COL4A3: variants seen among roughly 807,000 people sequenced by gnomAD.
COL4A3 encodes the protein collagen type IV alpha 3 chain, also known as collagen alpha-3(IV) chain.
A neutral mutation model predicts 217.4 loss-of-function variants in COL4A3; 135 were observed. The observed-to-expected ratio is 0.62, with a 90% CI of 0.54 to 0.72. COL4A3 has a LOEUF of 0.72. Ranked by LOEUF, COL4A3 falls within the 30% of genes least tolerant of loss-of-function variation. COL4A3 has a pLI of 0.00. For synonymous variants in COL4A3, 690 were observed against 736.3 expected (o/e 0.94, Z 1.02); for missense variants, 1,868 against 2,119.9 (o/e 0.88, Z 2.33).
At chr2:227,196,510 G>A (rs185057464) in intron 1 of COL4A3, among the ~76,000 whole-genome samples, 1 of 152,008 alleles carries the variant, frequency 6.6e-6, no homozygotes, top group African/African-American at 2.4e-5. Context: ...GTAGAGACAG[G>A]GTTTCACCGT....
At position 227,246,073 on chromosome 2, in the gene COL4A3, A is replaced by C. The variant is rs944334380; in HGVS notation, c.387+57A>C. 9.7e-5 allele frequency: 132 copies of C among 1,367,764 alleles called. 1 individual carries two copies. The highest frequency in any genetic ancestry group is 1.3e-4 in the Non-Finnish European group (122 of 957,984). 84.7% of individuals were successfully genotyped at this position (1,367,764 alleles called of 1,614,324 possible). ...AAATGCTTTGCTGAATGATTAAATCAAGGTGAAATGGCAATGAAAGGCAGA... is the reference window on the plus strand; with the variant it reads ...AAATGCTTTGCTGAATGATTAAATCCAGGTGAAATGGCAATGAAAGGCAGA... On this transcript the variant is annotated intron_variant, in intron 6 of 51. Transcript: ENST00000396578.
intron 1 of COL4A3, among the ~76,000 whole-genome samples, chr2:227,214,598 C>A (rs2067456763): frequency 6.6e-6 from 1 of 152,302 alleles, no homozygotes; most frequent in South Asian, 2.1e-4. Flanking sequence ...TAGGCCAGAG[C>A]CTATTAAAAC....
intron 24 of COL4A3, among the ~76,000 whole-genome samples, 190 bp from the exon 25 acceptor site, chr2:227,270,580 T>C (rs906669689): frequency 3.3e-5 from 5 of 152,216 alleles, no homozygotes; most frequent in African/African-American, 1.2e-4. Flanking sequence ...CTAACTGAAT[T>C]ATTTTTCAGT....
At chr2:227,245,683 C>T (rs1486555958) in intron 5 of COL4A3, 1 of 509,442 alleles carries the variant, frequency 2.0e-6, no homozygotes, top group Non-Finnish European at 3.6e-6. Flanking sequence ...CAGCTTAAAA[C>T]AGCATGTTAA....
chr2:227,291,982 C>T (rs1438066363), intron 37 of COL4A3, among the ~76,000 whole-genome samples: 4 of 152,214 alleles, frequency 2.6e-5, no homozygotes, highest in Admixed American at 6.5e-5. Flanking sequence ...ACGTGGGATT[C>T]CATGGACCAC....
chr2:227,238,870 T>C (rs2068851633), intron 2 of COL4A3, among the ~76,000 whole-genome samples: 1 of 152,188 alleles, frequency 6.6e-6, no homozygotes, highest in African/African-American at 2.4e-5. Context: ...AAGCACTTTC[T>C]CTGTGATTCT....
chr2:227,293,247 C>A lies in COL4A3; in HGVS notation c.3267C>A (p.Gly1089=). The A allele has an allele frequency of 4.3e-6, 7 of 1,613,828 alleles. No individual in the cohort carries two copies. The highest frequency in any genetic ancestry group is 5.9e-6 in the Non-Finnish European group (7 of 1,180,016). The part of the protein sequence containing the change: ...MGKKGEMGQP[G]PPGHLGPAGP... Reference sequence around the variant, plus strand: ...AGAAAGGAGAAATGGGGCAACCTGGCCCACCTGGACATTTGGGGCCTGCTG... The same window carrying A: ...AGAAAGGAGAAATGGGGCAACCTGGACCACCTGGACATTTGGGGCCTGCTG... Residue 1089 remains glycine, a synonymous_variant, in exon 38 of 52, where the codon GGC becomes GGA. Transcript: ENST00000396578.
intron 1 of COL4A3, chr2:227,169,103 A>G (rs1036525942): frequency 7.4e-6 from 1 of 134,848 alleles, no homozygotes; most frequent in Non-Finnish European, 1.5e-5. Flanking sequence ...ATGTGTTCTC[A>G]TTGTTCAGTT....
chr2:227,307,960 T>C (rs1180346791), intron 48 of COL4A3, 41 bp downstream of exon 48: 7 of 1,563,788 alleles, frequency 4.5e-6, no homozygotes, highest in Non-Finnish European at 6.2e-6. Context: ...CTGTTCCACA[T>C]GCAGATTGTA....
In COL4A3 at chr2:227,283,924, A is replaced by G. The variant is rs938716490; in HGVS notation, c.2746+68A>G. The stretch of plus-strand genomic sequence containing the variant: ...AATGTTCATTTATTTTGCAGCAAAA[A>G]AAGTTATGTTTCATTGGAGGGAAAA... On this transcript the variant is annotated intron_variant, in intron 33 of 51. Coordinates refer to ENST00000396578, the MANE Select transcript of COL4A3 (RefSeq NM_000091.5). 2.1e-6 allele frequency: 3 copies of G among 1,406,530 alleles called. No homozygotes were observed. The African/African-American group carries it at 4.3e-5, about 20-fold the overall frequency. The allele number at this position is 1,406,530 out of a possible 1,614,324, so 87.1% of individuals were successfully genotyped here.
In COL4A3 at chr2:227,248,628, T is replaced by C. The variant is rs193207353; in HGVS notation, c.546+108T>C. On this transcript the variant is annotated intron_variant, in intron 9 of 51. Transcript: ENST00000396578. ...CTTTTCCCCCATAAGTCCCTCTCAC[T>C]CTCTTAAGAAGATTTTAAATAGAAA... 1.1e-3 allele frequency: 846 copies of C among 736,050 alleles called. 5 individuals carry two copies. The highest frequency in any genetic ancestry group is 4.8e-3 in the Admixed American group (220 of 45,738). The allele number at this position is 736,050 out of a possible 1,614,324, so 45.6% of individuals were successfully genotyped here.
Position 227,308,660 on chromosome 2 carries a change from C to T in COL4A3, c.4463-239C>T, listed in dbSNP as rs537473434. Among the ~76,000 whole-genome samples the T allele has an allele frequency of 4.6e-5, 7 of 152,298 alleles. No homozygotes were observed. In the South Asian group the frequency reaches 1.0e-3, roughly 23 times the overall value. On this transcript the variant is annotated intron_variant, in intron 48 of 51. Coordinates refer to ENST00000396578, the MANE Select transcript of COL4A3 (RefSeq NM_000091.5). ...CTATGCTAGCCCCCATGTTCTAAATCGATTAGAAAGAGCCACCGGAAGTAT... is the reference window on the plus strand; with the variant it reads ...CTATGCTAGCCCCCATGTTCTAAATTGATTAGAAAGAGCCACCGGAAGTAT...
chr2:227,204,227 G>A (rs1326075260), intron 1 of COL4A3, among the ~76,000 whole-genome samples: 1 of 152,102 alleles, frequency 6.6e-6, no homozygotes, highest in Non-Finnish European at 1.5e-5. Flanking sequence ...TTTGTAATAT[G>A]CAATAAGGAT....
chr2:227,272,513 G>A (rs2071301908), intron 25 of COL4A3, among the ~76,000 whole-genome samples: 1 of 152,200 alleles, frequency 6.6e-6, no homozygotes, highest in Admixed American at 6.5e-5. Context: ...GACAGTTTAT[G>A]AGAGAAAATG....
chr2:227,293,013 T>A (rs536528415), intron 37 of COL4A3, among the ~76,000 whole-genome samples, 178 bp from the exon 38 acceptor site: 1 of 152,340 alleles, frequency 6.6e-6, no homozygotes, highest in South Asian at 2.1e-4. Context: ...CATTTTGCAC[T>A]GGGCCCCATA....
chr2:227,198,850 T>C (rs1050344436), intron 1 of COL4A3, among the ~76,000 whole-genome samples: 1 of 152,194 alleles, frequency 6.6e-6, no homozygotes, highest in South Asian at 2.1e-4. Flanking sequence ...TGATTTTGTA[T>C]TGAAGGCAAT....
intron 33 of COL4A3, 115 bp from the exon 34 acceptor site, chr2:227,284,096 C>T (rs2072166194): frequency 5.7e-6 from 8 of 1,413,004 alleles, no homozygotes; most frequent in Non-Finnish European, 7.9e-6. Context: ...GTTCTCAGCA[C>T]TGTTAGCCTT....
chr2:227,182,918 C>G (rs1313630695), intron 1 of COL4A3, among the ~76,000 whole-genome samples: 1 of 152,214 alleles, frequency 6.6e-6, no homozygotes, highest in Non-Finnish European at 1.5e-5. Context: ...CTAATACCAA[C>G]TACTCTAACA....
At chr2:227,202,749 ATAT>A (rs1559819206) in intron 1 of COL4A3, among the ~76,000 whole-genome samples, 2 of 10,106 alleles carry the variant, frequency 2.0e-4, no homozygotes, top group African/African-American at 7.7e-4. Context: ...AAAAAAAAAT[ATAT>A]ATATATATAT....
Sources: gnomAD v4.1 joint callset for allele counts (sites outside exome capture counted in the v4.1 genomes callset) on GRCh38, gnomAD v4.1.1 for gene constraint, MANE v1.5 for transcripts, NCBI Gene and HGNC (gene_info 2026-07-23, HGNC 2026-07-21) for gene names.